Variants in PDE1A observed in about 807,000 individuals in gnomAD.
PDE1A encodes the protein dual specificity calcium/calmodulin-dependent 3',5'-cyclic nucleotide phosphodiesterase 1A.
A neutral mutation model predicts 61.7 loss-of-function variants in PDE1A; 35 were observed. The ratio of observed to expected loss-of-function variants is 0.57; its 90% CI spans 0.43 to 0.75. The LOEUF (loss-of-function observed/expected upper bound fraction) is 0.75. Among genes scored for constraint, PDE1A ranks in the 30% least tolerant of loss-of-function variants. The pLI is 0.00. For missense variants in PDE1A, 597 were observed against 630.6 expected, an observed-to-expected ratio of 0.95 and a Z score of 0.57; for synonymous variants, 232 against 213.2, an observed-to-expected ratio of 1.09 and a Z score of -0.77.
At chr2:182,683,773 A>G in the PDE1A span, among the ~76,000 whole-genome samples, 1 of 152,226 alleles carries the variant, frequency 6.6e-6, no homozygotes, top group African/African-American at 2.4e-5. Flanking sequence ...AAATCAAGAA[A>G]TATGATAACA....
chr2:182,262,633 CAAAG>C (rs943303955), intron 2 of PDE1A, among the ~76,000 whole-genome samples: 8 of 152,084 alleles, frequency 5.3e-5, no homozygotes, highest in Non-Finnish European at 1.2e-4. Context: ...ACTCTGCAGA[CAAAG>C]AAAGAATCGC....
At chr2:182,408,302 A>G (rs932520118) in intron 1 of PDE1A, among the ~76,000 whole-genome samples, 1 of 151,720 alleles carries the variant, frequency 6.6e-6, no homozygotes, top group Admixed American at 6.6e-5. Flanking sequence ...TTGCAGTTTG[A>G]CAGATGTGGT....
At chr2:182,508,556 T>C (rs1189594622) in intron 2 of PDE1A, among the ~76,000 whole-genome samples, 1 of 151,774 alleles carries the variant, frequency 6.6e-6, no homozygotes, top group Non-Finnish European at 1.5e-5. Flanking sequence ...AGGAATGACA[T>C]TACTGACTTT....
intron 13 of PDE1A, among the ~76,000 whole-genome samples, chr2:182,160,547 A>G (rs1691323194): frequency 6.6e-6 from 1 of 151,922 alleles, no homozygotes; most frequent in Non-Finnish European, 1.5e-5. Flanking sequence ...AGGTTCTTTG[A>G]CCCTTAAACT....
the PDE1A span, among the ~76,000 whole-genome samples, chr2:182,612,933 A>T: frequency 6.6e-6 from 1 of 152,168 alleles, no homozygotes. Context: ...TCGTTTTTGC[A>T]GTTTTTTTAT....
At chr2:182,714,222 G>A in the PDE1A span, among the ~76,000 whole-genome samples, 8,747 of 152,238 alleles carry the variant, frequency 0.057, 251 homozygotes, top group East Asian at 0.091. Flanking sequence ...CCACCTTCAT[G>A]AAGCTTAGAT....
At chr2:182,234,825 T>C (rs1047265024) in intron 3 of PDE1A, among the ~76,000 whole-genome samples, 4 of 152,218 alleles carry the variant, frequency 2.6e-5, no homozygotes, top group African/African-American at 7.2e-5. Flanking sequence ...TGCCACCATA[T>C]CCCTGACAGC....
At chr2:182,549,557 G>A in the PDE1A span, among the ~76,000 whole-genome samples, 1 of 152,080 alleles carries the variant, frequency 6.6e-6, no homozygotes, top group Admixed American at 6.5e-5. Flanking sequence ...AACAAATTGT[G>A]TACTTAAATA....
At chr2:182,672,687 T>C in the PDE1A span, among the ~76,000 whole-genome samples, 2 of 152,220 alleles carry the variant, frequency 1.3e-5, no homozygotes, top group African/African-American at 4.8e-5. Flanking sequence ...TAACAACTAT[T>C]GTAGTGACTT....
the PDE1A span, among the ~76,000 whole-genome samples, chr2:182,659,873 G>T: frequency 1.6e-4 from 25 of 152,248 alleles, 1 homozygote; most frequent in East Asian, 4.8e-3. Flanking sequence ...CTATGAAAAT[G>T]TTTTTTCTGT....
the PDE1A span, among the ~76,000 whole-genome samples, chr2:182,685,329 G>C: frequency 6.6e-6 from 1 of 152,072 alleles, no homozygotes; most frequent in Admixed American, 6.5e-5. Context: ...GCTCACTGAA[G>C]TTTTTAGTAA....
At chr2:182,609,623 T>C in the PDE1A span, among the ~76,000 whole-genome samples, 49 of 152,310 alleles carry the variant, frequency 3.2e-4, no homozygotes, top group African/African-American at 1.1e-3. Context: ...CCTGAGCCAG[T>C]GAGACCACCA....
At position 182,273,131 on chromosome 2, in the gene PDE1A, A is replaced by G. The variant is rs193003174; in HGVS notation, c.54-8717T>C. Among the ~76,000 whole-genome samples, 673 of 152,238 alleles carry G rather than the reference A, an allele frequency of 4.4e-3. 13 individuals are homozygous for G. The highest frequency in any genetic ancestry group is 1.3e-3 in the Non-Finnish European group (91 of 68,004). On this transcript the variant is annotated intron_variant, in intron 1 of 13. Transcript: ENST00000351439. ...AAAAGAAGGAAGGACTAAAAGAGCT[A>G]AAACATTGTGATTATTCACTTCTGG...
At chr2:182,470,853 C>T (rs1686983656) in intron 2 of PDE1A, among the ~76,000 whole-genome samples, 2 of 151,732 alleles carry the variant, frequency 1.3e-5, no homozygotes, top group African/African-American at 4.8e-5. Context: ...AGGCTCAATC[C>T]AGTGGGAGAT....
At chr2:182,327,100 CTA>C (rs1249358140) in intron 1 of PDE1A, among the ~76,000 whole-genome samples, 2 of 152,124 alleles carry the variant, frequency 1.3e-5, no homozygotes, top group Non-Finnish European at 2.9e-5. Flanking sequence ...CCTGGGGACA[CTA>C]TGGTATATAA....
intron 8 of PDE1A, among the ~76,000 whole-genome samples, chr2:182,203,212 C>T (rs938244354): frequency 1.5e-4 from 23 of 151,700 alleles, no homozygotes; most frequent in Admixed American, 8.5e-4. Flanking sequence ...CCCAGCTACT[C>T]GGGAGGCTGA....
chr2:182,601,485 G>T, the PDE1A span, among the ~76,000 whole-genome samples: 4 of 152,212 alleles, frequency 2.6e-5, no homozygotes, highest in Non-Finnish European at 4.4e-5. Flanking sequence ...GTGAGCAAGG[G>T]GTATGTTTCT....
At chr2:182,533,149 TA>T in the PDE1A span, among the ~76,000 whole-genome samples, 1 of 151,730 alleles carries the variant, frequency 6.6e-6, no homozygotes, top group Non-Finnish European at 1.5e-5. Flanking sequence ...GCATCTCTAC[TA>T]AAATACAAAA....
intron 1 of PDE1A, among the ~76,000 whole-genome samples, chr2:182,399,554 T>A (rs1701887514): frequency 1.3e-5 from 2 of 152,138 alleles, no homozygotes; most frequent in African/African-American, 4.8e-5. Context: ...ATCATCCCTC[T>A]AAGCTTATCA....
Sources: allele counts gnomAD v4.1 joint callset (sites outside exome capture counted in the v4.1 genomes callset), GRCh38; gene constraint gnomAD v4.1.1; transcripts MANE v1.5; gene names NCBI Gene and HGNC (gene_info 2026-07-23, HGNC 2026-07-21).